Variants in ADD1 observed in about 807,000 individuals in gnomAD.
ADD1 encodes the protein adducin 1, also known as alpha-adducin.
In ADD1, 24 loss-of-function variants were observed where a neutral mutation model predicts 80.5. The observed-to-expected ratio is 0.30, with a 90% CI of 0.22 to 0.42. The LOEUF (loss-of-function observed/expected upper bound fraction) is 0.42. Ranked by LOEUF, ADD1 falls within the 10% of genes least tolerant of loss-of-function variation. The pLI is 1.00. For synonymous variants in ADD1, 373 were observed against 393.8 expected (o/e 0.95, Z 0.63); for missense variants, 948 against 1,019.0 (o/e 0.93, Z 0.95).
At chr4:2,905,472 C>G (rs181345460) in intron 10 of ADD1, 2 of 234,922 alleles carry the variant, frequency 8.5e-6, no homozygotes, top group Admixed American at 5.1e-5. Flanking sequence ...CAGTCCTAAA[C>G]CTGTATTTTA....
At chr4:2,885,934 G>A (rs748845988) in intron 4 of ADD1, among the ~76,000 whole-genome samples, 3 of 152,148 alleles carry the variant, frequency 2.0e-5, no homozygotes, top group Non-Finnish European at 2.9e-5. Flanking sequence ...TAGATTCACA[G>A]TGCATTGCCA....
chr4:2,907,647 G>C lies in ADD1; in HGVS notation c.1507-96G>C, dbSNP rs918992394. 3.8e-6 allele frequency: 4 copies of C among 1,045,292 alleles called. No homozygotes were observed. In the African/African-American group the frequency reaches 6.2e-5, roughly 16 times the overall value. 64.8% of individuals were successfully genotyped at this position (1,045,292 alleles called of 1,614,324 possible). On this transcript the variant is annotated intron_variant, in intron 10 of 15. Transcript: ENST00000683351. ...GGTTCAGTCCTCTCTGTGATGTTCA[G>C]TGCATGACCAGATGTGAGATAAACT...
At position 2,909,361 on chromosome 4, in the gene ADD1, C is replaced by A. The variant is rs547726216; in HGVS notation, c.1721C>A (p.Thr574Lys). ...LVQDAPLSDC[T>K]ETIEGLELTE... ...CAGGATGCACCTCTCTCTGACTGTA[C>A]GGAAACTATCGAAGGGCTCGAGCTT... The change falls in exon 13 of 16, where the codon ACG becomes AAG. Residue 574 changes from threonine to lysine, a missense_variant. Physicochemically the swap from Thr to Lys is moderately conservative, Grantham distance 78 (BLOSUM62 -1). Coordinates refer to ENST00000683351, the MANE Select transcript of ADD1 (RefSeq NM_001354761.2). 1 of 1,550,440 alleles carries A rather than the reference C, an allele frequency of 6.4e-7. No homozygotes were observed. Among genetic ancestry groups the A allele is most frequent in the South Asian group, 1.2e-5 (1 of 84,058 alleles).
At chr4:2,868,706 C>A (rs1454086710) in intron 1 of ADD1, among the ~76,000 whole-genome samples, 1 of 152,180 alleles carries the variant, frequency 6.6e-6, no homozygotes, top group Non-Finnish European at 1.5e-5. Flanking sequence ...CACAGGCCCA[C>A]AGACCAGTGA....
rs368753524 is a variant in ADD1 at position 2,928,260 on chromosome 4, G to A, written c.2137G>A (p.Glu713Lys). The A allele has an allele frequency of 4.3e-6, 7 of 1,613,934 alleles. No homozygotes were observed. The African/African-American group carries it at 8.0e-5, about 18-fold the overall frequency. ...CGATCTGTCCCCTGATGAACCTTCA[G>A]AAGCACTCGGCTTCCCAATGTTAGA... is the stretch of plus-strand genomic sequence containing the variant. Reference protein sequence around the residue: ...LPDLSPDEPSEALGFPMLEKE... With the variant: ...LPDLSPDEPSKALGFPMLEKE... Residue 713 changes from glutamate to lysine, a missense_variant, in exon 16 of 16, where the codon GAA (glutamate) becomes AAA (lysine). By Grantham distance (56) the Glu-to-Lys change is moderately conservative. Transcript: ENST00000683351.
At chr4:2,854,164 A>C (rs1239839655) in intron 1 of ADD1, among the ~76,000 whole-genome samples, 1 of 152,082 alleles carries the variant, frequency 6.6e-6, no homozygotes, top group Non-Finnish European at 1.5e-5. Context: ...TGTACTAAAA[A>C]TACAACAAAA....
intron 3 of ADD1, among the ~76,000 whole-genome samples, chr4:2,882,424 C>A (rs1732513748): frequency 6.6e-6 from 1 of 152,184 alleles, no homozygotes; most frequent in Admixed American, 6.5e-5. Flanking sequence ...TGTGTCCCAA[C>A]TAGTGAGAAA....
intron 15 of ADD1, among the ~76,000 whole-genome samples, 199 bp from the exon 16 acceptor site, chr4:2,927,972 C>T (rs1712161956): frequency 6.6e-6 from 1 of 152,272 alleles, no homozygotes; most frequent in African/African-American, 2.4e-5. Flanking sequence ...AAAACTACCC[C>T]GAGACTGAGT....
rs1184793912 is a variant in ADD1 at position 2,875,887 on chromosome 4, A to C, written c.-20-9A>C. On this transcript the variant is annotated splice_polypyrimidine_tract_variant and intron_variant, in intron 1 of 15. Coordinates refer to ENST00000683351, the MANE Select transcript of ADD1 (RefSeq NM_001354761.2). Reference sequence around the variant, plus strand: ...GAAAACAATAATTTCTTTTATTTTGATTCTGTAGGAACCTAGAAAGATTGT... The same window carrying C: ...GAAAACAATAATTTCTTTTATTTTGCTTCTGTAGGAACCTAGAAAGATTGT... The C allele has an allele frequency of 1.3e-6, 2 of 1,542,902 alleles. No homozygotes were observed. The highest frequency in any genetic ancestry group is 1.7e-6 in the Non-Finnish European group (2 of 1,146,446).
At chr4:2,849,217 A>C (rs150838852) in intron 1 of ADD1, among the ~76,000 whole-genome samples, 1 of 152,318 alleles carries the variant, frequency 6.6e-6, no homozygotes, top group African/African-American at 2.4e-5. Flanking sequence ...AAAGGTACCT[A>C]CTAAGCTGTC....
At chr4:2,884,691 T>G (rs1167282103) in intron 4 of ADD1, 25 bp downstream of exon 4, 3 of 1,555,476 alleles carry the variant, frequency 1.9e-6, no homozygotes, top group Admixed American at 3.7e-5. Context: ...GGCTAGTAAC[T>G]GAACGATAAA....
intron 4 of ADD1, among the ~76,000 whole-genome samples, chr4:2,886,399 T>G (rs1180318355): frequency 6.6e-6 from 1 of 152,246 alleles, no homozygotes; most frequent in African/African-American, 2.4e-5. Flanking sequence ...TTGCCTTCTA[T>G]CCATCTGTTC....
chr4:2,929,696 G>GGGC lies in ADD1; in HGVS notation c.*1174_*1176dup, dbSNP rs929125174. 6.6e-6 allele frequency: 1 copy of GGGC among 152,290 alleles called. No individual in the cohort carries two copies. The highest frequency in any genetic ancestry group is 2.4e-5 in the African/African-American group (1 of 41,460). The allele number at this position is 152,290 out of a possible 1,614,324, so 9.4% of individuals were successfully genotyped here. On this transcript the variant is annotated 3_prime_UTR_variant, in exon 16 of 16. Coordinates refer to ENST00000683351, the MANE Select transcript of ADD1 (RefSeq NM_001354761.2). ...TGTGGGCTCAGATCCTGGGCATGAT[G>GGGC]GGCCGAGCCACCTCGGATCCCACTG...
chr4:2,918,730 T>C (rs190202153), intron 14 of ADD1, among the ~76,000 whole-genome samples: 55 of 152,346 alleles, frequency 3.6e-4, no homozygotes, highest in African/African-American at 1.2e-3. Flanking sequence ...TGAAGGGGTG[T>C]TGAATTTTAT....
Position 2,928,583 on chromosome 4 carries a change from C to T in ADD1, c.*60C>T. The T allele has an allele frequency of 6.5e-7, 1 of 1,537,968 alleles. No homozygotes were observed. Among genetic ancestry groups the T allele is most frequent in the Non-Finnish European group, 8.9e-7 (1 of 1,129,142 alleles). On this transcript the variant is annotated 3_prime_UTR_variant, in exon 16 of 16. Coordinates refer to ENST00000683351, the MANE Select transcript of ADD1 (RefSeq NM_001354761.2). ...CCCTGGCTCTGCCAGCGTCCCCGGC[C>T]ACGTCTGTGCTCTGTCCTTGTGTAA...
rs749392922 is a variant in ADD1, at chr4:2,914,868, T to C, written c.1792-16T>C. The C allele has an allele frequency of 6.2e-7, 1 of 1,600,990 alleles. No individual in the cohort carries two copies. The highest frequency in any genetic ancestry group is 1.1e-5 in the South Asian group (1 of 89,238). The stretch of plus-strand genomic sequence containing the variant: ...GGGCCGGGCTCCTGCAGACCAGATG[T>C]GCCTTTCATCCACAGGGAGAGCTGG... On this transcript the variant is annotated splice_polypyrimidine_tract_variant and intron_variant, in intron 13 of 15. Transcript: ENST00000683351.
At chr4:2,903,703 C>G (rs1432649646) in intron 9 of ADD1, among the ~76,000 whole-genome samples, 1 of 152,236 alleles carries the variant, frequency 6.6e-6, no homozygotes, top group Non-Finnish European at 1.5e-5. Context: ...GAGATCTCAC[C>G]TGTGCTCAAG....
At chr4:2,915,778 C>G (rs529487551) in intron 14 of ADD1, among the ~76,000 whole-genome samples, 2 of 152,116 alleles carry the variant, frequency 1.3e-5, no homozygotes, top group African/African-American at 4.8e-5. Flanking sequence ...GAGCCGAGAT[C>G]GTGCCATTGC....
chr4:2,878,402 G>T (rs1006005554), intron 2 of ADD1, among the ~76,000 whole-genome samples: 2 of 152,096 alleles, frequency 1.3e-5, no homozygotes, highest in African/African-American at 2.4e-5. Flanking sequence ...CTGATGGATG[G>T]GGTGGAAGAA....
Sources: allele counts gnomAD v4.1 joint callset (sites outside exome capture counted in the v4.1 genomes callset), GRCh38; gene constraint gnomAD v4.1.1; transcripts MANE v1.5; gene names NCBI Gene and HGNC (gene_info 2026-07-23, HGNC 2026-07-21).